The following PCSK2 variants were observed in gnomAD, a reference collection of about 807,000 sequenced individuals.
PCSK2 encodes the protein neuroendocrine convertase 2.
PCSK2 carries 14 observed loss-of-function variants against 69.7 expected under a neutral mutation model. That is an observed-to-expected ratio of 0.20 (90% confidence interval 0.13 to 0.31). The LOEUF is 0.31. PCSK2 is among the 10% of genes least tolerant of loss of function. The probability of loss-of-function intolerance (pLI) is 1.00; values close to 1 mark genes in which losing one functional copy is unlikely to be tolerated. For missense variants in PCSK2, 544 were observed against 842.5 expected, an observed-to-expected ratio of 0.65 and a Z score of 4.39; for synonymous variants, 307 against 320.7, an observed-to-expected ratio of 0.96 and a Z score of 0.46.
chr20:17,366,750 T>C (rs2030604533), intron 4 of PCSK2, among the ~76,000 whole-genome samples: 1 of 152,226 alleles, frequency 6.6e-6, no homozygotes, highest in Non-Finnish European at 1.5e-5. Flanking sequence ...CCAAAGTCGG[T>C]ATCTGTTCTA....
intron 1 of PCSK2, among the ~76,000 whole-genome samples, chr20:17,253,860 GGTCAACACTT>G (rs1215499566): frequency 6.6e-6 from 1 of 152,108 alleles, no homozygotes; most frequent in African/African-American, 2.4e-5. Context: ...TCCCTATCCA[GGTCAACACTT>G]GCTGGTTTGG....
rs147944853 is a variant in PCSK2, at chr20:17,369,049, G to A, written c.506-191G>A. Among the ~76,000 whole-genome samples, 932 of 152,312 alleles carry A rather than the reference G, an allele frequency of 6.1e-3. 8 individuals are homozygous for A. Among genetic ancestry groups the A allele is most frequent in the African/African-American group, 0.02 (846 of 41,568 alleles). ...GGGCAGCTGTCTCTCCGCTCTGGCAGTGCAGCCCACCTTCACACCTCCACA... is the reference window on the plus strand; with the variant it reads ...GGGCAGCTGTCTCTCCGCTCTGGCAATGCAGCCCACCTTCACACCTCCACA... On this transcript the variant is annotated intron_variant, in intron 4 of 11. Transcript: ENST00000262545.
rs2033411066 is a variant in PCSK2, at chr20:17,481,956, C to G, written c.1803C>G (p.Asp601Glu). 6.2e-7 allele frequency: 1 copy of G among 1,613,188 alleles called. No individual in the cohort carries two copies. The highest frequency in any genetic ancestry group is 8.5e-7 in the Non-Finnish European group (1 of 1,179,898). ...LHGTQSAPYI[D>E]QVVRDYQSKL... ...GCACTCAGAGTGCCCCGTACATCGACCAGGTGGTGCGGGATTACCAGTCCA... is the reference window on the plus strand; with the variant it reads ...GCACTCAGAGTGCCCCGTACATCGAGCAGGTGGTGCGGGATTACCAGTCCA... The change falls in exon 12 of 12, where the codon GAC (aspartate) becomes GAG (glutamate). Residue 601 changes from aspartate to glutamate, a missense_variant. Coordinates refer to ENST00000262545, the MANE Select transcript of PCSK2 (RefSeq NM_002594.5).
At chr20:17,362,882 C>A (rs1402032683) in intron 4 of PCSK2, among the ~76,000 whole-genome samples, 1 of 152,218 alleles carries the variant, frequency 6.6e-6, no homozygotes, top group African/African-American at 2.4e-5. Flanking sequence ...GGGACAAGGG[C>A]AGCTCCCCAC....
At chr20:17,257,454 C>T (rs1987222134) in intron 1 of PCSK2, among the ~76,000 whole-genome samples, 1 of 152,206 alleles carries the variant, frequency 6.6e-6, no homozygotes, top group South Asian at 2.1e-4. Flanking sequence ...AATCATTCTA[C>T]TCTAAAGATA....
chr20:17,281,684 G>A (rs1212740943), intron 2 of PCSK2, among the ~76,000 whole-genome samples: 2 of 152,106 alleles, frequency 1.3e-5, no homozygotes, highest in Non-Finnish European at 2.9e-5. Context: ...CCCCCTGTTG[G>A]TTGCTGTGAA....
At chr20:17,287,431 C>CTGTCTG (rs373403452) in intron 2 of PCSK2, among the ~76,000 whole-genome samples, 1,461 of 146,022 alleles carry the variant, frequency 0.01, 17 homozygotes, top group African/African-American at 0.034. Flanking sequence ...ATGTGCGTGT[C>CTGTCTG]TGTGTGTGTG....
intron 6 of PCSK2, among the ~76,000 whole-genome samples, chr20:17,426,820 G>A (rs892387487): frequency 6.6e-6 from 1 of 152,174 alleles, no homozygotes; most frequent in Non-Finnish European, 1.5e-5. Flanking sequence ...CATTATGGAG[G>A]ACAAGCTGCT....
chr20:17,406,956 G>A (rs1266405465), intron 5 of PCSK2, among the ~76,000 whole-genome samples: 3 of 151,990 alleles, frequency 2.0e-5, no homozygotes, highest in Non-Finnish European at 2.9e-5. Context: ...GGCTTCTGCA[G>A]TAACACCATT....
At chr20:17,266,813 T>C (rs1987626133) in intron 2 of PCSK2, among the ~76,000 whole-genome samples, 1 of 152,134 alleles carries the variant, frequency 6.6e-6, no homozygotes. Flanking sequence ...TGACCAGTTA[T>C]TGGCATGGGT....
At chr20:17,376,182 T>C (rs1303549393) in intron 5 of PCSK2, among the ~76,000 whole-genome samples, 1 of 152,158 alleles carries the variant, frequency 6.6e-6, no homozygotes, top group Non-Finnish European at 1.5e-5. Flanking sequence ...CCTACAGAGC[T>C]GCAGTAAGAA....
At chr20:17,332,228 T>C (rs1350972829) in intron 2 of PCSK2, among the ~76,000 whole-genome samples, 1 of 152,222 alleles carries the variant, frequency 6.6e-6, no homozygotes, top group African/African-American at 2.4e-5. Flanking sequence ...CAGCTTGGGA[T>C]GGCTTTGAGC....
intron 2 of PCSK2, among the ~76,000 whole-genome samples, chr20:17,311,679 C>T (rs1989515880): frequency 6.6e-6 from 1 of 152,144 alleles, no homozygotes; most frequent in South Asian, 2.1e-4. Context: ...GAACCTACAT[C>T]TTGTGATCCT....
chr20:17,310,520 T>G (rs1179983012), intron 2 of PCSK2, among the ~76,000 whole-genome samples: 1 of 152,094 alleles, frequency 6.6e-6, no homozygotes, highest in Non-Finnish European at 1.5e-5. Context: ...ATGCCAAAAA[T>G]AAATGTTGCC....
At chr20:17,413,984 T>A (rs962476922) in intron 6 of PCSK2, among the ~76,000 whole-genome samples, 1 of 152,074 alleles carries the variant, frequency 6.6e-6, no homozygotes, top group Non-Finnish European at 1.5e-5. Flanking sequence ...TTGAAACCAA[T>A]GAGAACAAAG....
intron 4 of PCSK2, among the ~76,000 whole-genome samples, chr20:17,363,069 T>C (rs1219827734): frequency 6.6e-6 from 1 of 152,234 alleles, no homozygotes; most frequent in Admixed American, 6.5e-5. Flanking sequence ...CAAAATAAGG[T>C]TAAAGACAGA....
intron 1 of PCSK2, among the ~76,000 whole-genome samples, chr20:17,246,762 G>C (rs1179206549): frequency 6.6e-6 from 1 of 151,104 alleles, no homozygotes; most frequent in East Asian, 2.0e-4. Flanking sequence ...TTGCCTGGGA[G>C]AGCAGCTGTT....
At chr20:17,322,645 G>T (rs559912849) in intron 2 of PCSK2, among the ~76,000 whole-genome samples, 1 of 152,274 alleles carries the variant, frequency 6.6e-6, no homozygotes, top group African/African-American at 2.4e-5. Context: ...AGCAGTTATG[G>T]GGTCTGTCAG....
At chr20:17,307,051 T>G (rs34863093) in intron 2 of PCSK2, among the ~76,000 whole-genome samples, 5,634 of 152,274 alleles carry the variant, frequency 0.037, 152 homozygotes, top group Non-Finnish European at 0.058. Context: ...GAAATAAGAA[T>G]GTCAACCATG....
Sources: allele counts gnomAD v4.1 joint callset (sites outside exome capture counted in the v4.1 genomes callset), GRCh38; gene constraint gnomAD v4.1.1; transcripts MANE v1.5; gene names NCBI Gene and HGNC (gene_info 2026-07-23, HGNC 2026-07-21).